The following TENM3 variants were observed in gnomAD, a reference collection of about 807,000 sequenced individuals.
The protein encoded by TENM3 is teneurin-3.
In TENM3, 63 loss-of-function variants were observed where a neutral mutation model predicts 255.1. The ratio of observed to expected loss-of-function variants is 0.25; its 90% CI spans 0.20 to 0.30. TENM3 has a LOEUF of 0.30. Ranked by LOEUF, TENM3 falls within the 10% of genes least tolerant of loss-of-function variation. The pLI, the probability that TENM3 is intolerant of heterozygous loss-of-function variation, is 1.00. For synonymous variants in TENM3, 1,306 were observed against 1,322.3 expected (o/e 0.99, Z 0.27); for missense variants, 2,929 against 3,461.1 (o/e 0.85, Z 3.86).
At chr4:182,473,232 G>A (rs1733304134) in intron 3 of TENM3, among the ~76,000 whole-genome samples, 1 of 152,082 alleles carries the variant, frequency 6.6e-6, no homozygotes, top group Admixed American at 6.5e-5. Context: ...TTTGGAAAAT[G>A]TCTATGGCTT....
chr4:182,695,565 G>A (rs1379748052), intron 12 of TENM3, among the ~76,000 whole-genome samples: 4 of 152,122 alleles, frequency 2.6e-5, no homozygotes, highest in Non-Finnish European at 5.9e-5. Flanking sequence ...CTCTGTGGCT[G>A]TTACTGCTAG....
At chr4:182,346,990 C>A (rs928587764) in intron 3 of TENM3, 61 bp downstream of exon 3, 1 of 1,223,698 alleles carries the variant, frequency 8.2e-7, no homozygotes, top group Non-Finnish European at 1.0e-6. Context: ...TTTTGGTTGA[C>A]TCCGCGGGGG....
At chr4:182,195,345 A>C (rs1243766507) in intron 1 of TENM3, among the ~76,000 whole-genome samples, 1 of 152,148 alleles carries the variant, frequency 6.6e-6, no homozygotes, top group Non-Finnish European at 1.5e-5. Context: ...TGCCACCTTA[A>C]AGCATGACTT....
chr4:181,834,863 C>A, the TENM3 span: 1 of 152,116 alleles, frequency 6.6e-6, no homozygotes. Flanking sequence ...TTTTCAAGTG[C>A]CATTTTTTTC....
intron 3 of TENM3, among the ~76,000 whole-genome samples, chr4:182,508,122 A>G (rs1737024338): frequency 6.6e-6 from 1 of 152,180 alleles, no homozygotes; most frequent in African/African-American, 2.4e-5. Flanking sequence ...GATAAATACT[A>G]CCTATCTTGT....
At chr4:182,521,939 G>A (rs1738621588) in intron 3 of TENM3, among the ~76,000 whole-genome samples, 1 of 152,064 alleles carries the variant, frequency 6.6e-6, no homozygotes, top group East Asian at 1.9e-4. Flanking sequence ...AGTCTTTATT[G>A]ACTCTAGAAA....
the TENM3 span, among the ~76,000 whole-genome samples, chr4:181,922,611 T>G: frequency 6.6e-6 from 1 of 152,236 alleles, no homozygotes; most frequent in Admixed American, 6.5e-5. Context: ...TGTATCTGTT[T>G]GATTCTTCTC....
chr4:181,742,836 C>G, the TENM3 span, among the ~76,000 whole-genome samples: 1 of 140,100 alleles, frequency 7.1e-6, no homozygotes, highest in Non-Finnish European at 1.5e-5. Flanking sequence ...CTCCCCCCTC[C>G]CCACAACAGT....
chr4:181,922,489 C>G, the TENM3 span, among the ~76,000 whole-genome samples: 2 of 152,188 alleles, frequency 1.3e-5, no homozygotes, highest in Admixed American at 6.5e-5. Context: ...AGGAATTTAT[C>G]CATTTCTTCT....
the TENM3 span, among the ~76,000 whole-genome samples, chr4:181,680,401 G>A: frequency 6.6e-6 from 1 of 152,076 alleles, no homozygotes; most frequent in African/African-American, 2.4e-5. Context: ...CAAAAAAATT[G>A]TAAGCTGAGA....
At chr4:182,428,955 T>A (rs575990562) in intron 3 of TENM3, among the ~76,000 whole-genome samples, 180 of 152,272 alleles carry the variant, frequency 1.2e-3, no homozygotes, top group Non-Finnish European at 2.1e-3. Flanking sequence ...TGTATAAATA[T>A]GTGTGACATA....
the TENM3 span, among the ~76,000 whole-genome samples, chr4:181,929,548 T>A: frequency 6.6e-6 from 1 of 152,142 alleles, no homozygotes; most frequent in African/African-American, 2.4e-5. Context: ...CTTAGAGAAC[T>A]ACAAAGAGAC....
chr4:182,544,591 C>T (rs1271272964), intron 3 of TENM3, among the ~76,000 whole-genome samples: 2 of 151,920 alleles, frequency 1.3e-5, no homozygotes, highest in East Asian at 1.9e-4. Context: ...TGGGAGCCAC[C>T]GCGCCCGGCC....
chr4:182,532,533 A>C (rs1178744323), intron 3 of TENM3, among the ~76,000 whole-genome samples: 1 of 152,222 alleles, frequency 6.6e-6, no homozygotes, highest in African/African-American at 2.4e-5. Context: ...GAACAGTATC[A>C]GAGGCATTTT....
At chr4:181,635,153 C>T in the TENM3 span, among the ~76,000 whole-genome samples, 1 of 152,110 alleles carries the variant, frequency 6.6e-6, no homozygotes, top group Non-Finnish European at 1.5e-5. Context: ...GCATCAGCAG[C>T]AGAAGGGAGG....
chr4:181,896,137 G>A, the TENM3 span, among the ~76,000 whole-genome samples: 1 of 152,192 alleles, frequency 6.6e-6, no homozygotes, highest in African/African-American at 2.4e-5. Context: ...TCAAGGGAAA[G>A]TGGGTATCCA....
chr4:182,116,575 T>C, the TENM3 span, among the ~76,000 whole-genome samples: 1 of 152,096 alleles, frequency 6.6e-6, no homozygotes, highest in Non-Finnish European at 1.5e-5. Flanking sequence ...TGTGAAGAGG[T>C]GTCTTCCATC....
intron 1 of TENM3, among the ~76,000 whole-genome samples, chr4:182,194,162 A>G (rs1753698110): frequency 2.0e-5 from 3 of 152,216 alleles, no homozygotes; most frequent in Non-Finnish European, 4.4e-5. Context: ...CACCAGTTTC[A>G]AGACTTTGAA....
the TENM3 span, among the ~76,000 whole-genome samples, chr4:181,765,602 A>G: frequency 6.6e-6 from 1 of 152,222 alleles, no homozygotes; most frequent in Admixed American, 6.5e-5. Context: ...GACTTTGGGG[A>G]AAAAACAGCT....
Sources: allele counts gnomAD v4.1 joint callset (sites outside exome capture counted in the v4.1 genomes callset), GRCh38; gene constraint gnomAD v4.1.1; transcripts MANE v1.5; gene names NCBI Gene and HGNC (gene_info 2026-07-23, HGNC 2026-07-21).